SEZ6L: variants seen among roughly 807,000 people sequenced by gnomAD.
The protein encoded by SEZ6L is seizure related 6 homolog like.
A neutral mutation model predicts 106.2 loss-of-function variants in SEZ6L; 37 were observed. The ratio of observed to expected loss-of-function variants is 0.35; its 90% confidence interval spans 0.27 to 0.46. The LOEUF is 0.46. SEZ6L is among the 20% of genes least tolerant of loss of function. The pLI, the probability that SEZ6L is intolerant of heterozygous loss-of-function variation, is 1.00. For missense variants in SEZ6L, 1,172 were observed against 1,332.8 expected (o/e 0.88, Z 1.88); for synonymous variants, 541 against 570.4 (o/e 0.95, Z 0.73).
At chr22:26,253,011 G>A (rs1475496317) in intron 1 of SEZ6L, among the ~76,000 whole-genome samples, 1 of 152,252 alleles carries the variant, frequency 6.6e-6, no homozygotes, top group Non-Finnish European at 1.5e-5. Context: ...AGTGGTAGCA[G>A]ACAGTCTTCG....
At chr22:26,377,820 C>A in intron 16 of SEZ6L, 45 bp downstream of exon 16, 1 of 1,364,866 alleles carries the variant, frequency 7.3e-7, no homozygotes, top group Non-Finnish European at 1.0e-6. Flanking sequence ...TCCCTCTTTG[C>A]TCTGAATTCA....
intron 16 of SEZ6L, among the ~76,000 whole-genome samples, chr22:26,378,529 T>C (rs1601664180): frequency 6.6e-6 from 1 of 152,302 alleles, no homozygotes; most frequent in South Asian, 2.1e-4. Context: ...CAACAAATAA[T>C]ACTTTTTAAG....
intron 1 of SEZ6L, among the ~76,000 whole-genome samples, chr22:26,258,266 G>A (rs889864318): frequency 2.6e-5 from 4 of 152,104 alleles, no homozygotes; most frequent in African/African-American, 7.2e-5. Context: ...ATCAGGCACC[G>A]CACCAGGCAC....
chr22:26,323,098 T>C (rs778945206), intron 9 of SEZ6L, among the ~76,000 whole-genome samples: 47 of 152,224 alleles, frequency 3.1e-4, no homozygotes, highest in Non-Finnish European at 5.7e-4. Flanking sequence ...GACAACTTGC[T>C]TGTGGCCACA....
At chr22:26,247,407 C>T (rs558460229) in intron 1 of SEZ6L, among the ~76,000 whole-genome samples, 141 of 152,230 alleles carry the variant, frequency 9.3e-4, no homozygotes, top group Non-Finnish European at 1.8e-3. Flanking sequence ...AGATGTAATT[C>T]GTCAGATGGG....
At chr22:26,314,091 C>CAGAGAGAG (rs201131115) in intron 9 of SEZ6L, among the ~76,000 whole-genome samples, 189 bp downstream of exon 9, 1 of 142,350 alleles carries the variant, frequency 7.0e-6, no homozygotes, top group African/African-American at 2.9e-5. Context: ...CACACACACA[C>CAGAGAGAG]ACACAGAGAG....
chr22:26,374,607 G>A (rs1267830243), intron 14 of SEZ6L, among the ~76,000 whole-genome samples: 2 of 152,156 alleles, frequency 1.3e-5, no homozygotes, highest in Non-Finnish European at 2.9e-5. Context: ...CCATTGTAAC[G>A]TTTTGTGCTC....
chr22:26,173,440 C>T (rs1349261405), intron 1 of SEZ6L, among the ~76,000 whole-genome samples: 1 of 152,186 alleles, frequency 6.6e-6, no homozygotes. Flanking sequence ...CCCTTCCCTT[C>T]CAAACTCTCA....
At chr22:26,249,669 T>A (rs2079501167) in intron 1 of SEZ6L, among the ~76,000 whole-genome samples, 1 of 152,208 alleles carries the variant, frequency 6.6e-6, no homozygotes, top group South Asian at 2.1e-4. Context: ...AACATACTGA[T>A]GTCCTTTCCT....
intron 1 of SEZ6L, among the ~76,000 whole-genome samples, chr22:26,274,561 T>C (rs917906385): frequency 6.6e-6 from 1 of 152,146 alleles, no homozygotes; most frequent in African/African-American, 2.4e-5. Context: ...GGTTCAGTGG[T>C]CCCCTGGACT....
At position 26,180,113 on chromosome 22, in the gene SEZ6L, A is replaced by G. The variant is rs368911665; in HGVS notation, c.94+10350A>G. On this transcript the variant is annotated intron_variant, in intron 1 of 16. Transcript: ENST00000248933. ...TTGGTTCTTCATACTTAATCCAGTCATCTCTAACTGGTATGGGAAGCATGC... is the reference window on the plus strand; with the variant it reads ...TTGGTTCTTCATACTTAATCCAGTCGTCTCTAACTGGTATGGGAAGCATGC... Among the ~76,000 whole-genome samples, 4 of 152,170 alleles carry G rather than the reference A, an allele frequency of 2.6e-5. No homozygotes were observed. The East Asian group carries it at 5.8e-4, about 22-fold the overall frequency.
rs1568952186 is a variant in SEZ6L, at chr22:26,369,354, T to TTTTTTTTTTTTTTTTTTTTTTA, written c.2794+3791_2794+3792insTTTTTTTTTTTTTTTTTTATTT. Reference sequence around the variant, plus strand: ...ATATAAGCAGTTCTTTTGTTTTTTTTTTTGAGACAGATTCTCGCTCTGTCC... The same window carrying TTTTTTTTTTTTTTTTTTTTTTA: ...ATATAAGCAGTTCTTTTGTTTTTTTTTTTTTTTTTTTTTTTTTTTTTATTTGAGACAGATTCTCGCTCTGTCC... On this transcript the variant is annotated intron_variant, in intron 13 of 16. Coordinates refer to ENST00000248933, the MANE Select transcript of SEZ6L (RefSeq NM_021115.5). 2.2e-4 allele frequency among the ~76,000 whole-genome samples: 26 copies of TTTTTTTTTTTTTTTTTTTTTTA among 118,686 alleles called. 4 individuals are homozygous for TTTTTTTTTTTTTTTTTTTTTTA. The highest frequency in any genetic ancestry group is 8.7e-4 in the African/African-American group (26 of 29,992). 77.9% of individuals were successfully genotyped at this position (118,686 alleles called of 152,430 possible).
intron 1 of SEZ6L, 183 bp from the exon 2 acceptor site, chr22:26,292,222 GA>G: frequency 1.8e-6 from 1 of 551,120 alleles, no homozygotes; most frequent in Non-Finnish European, 3.2e-6. Context: ...AAAAGAGAAA[GA>G]GGGAGAGAGG....
In SEZ6L at chr22:26,356,974, C is replaced by T. The variant is rs956783454; in HGVS notation, c.2599+5731C>T. On this transcript the variant is annotated intron_variant, in intron 12 of 16. Transcript: ENST00000248933. The stretch of plus-strand genomic sequence containing the variant: ...TCAGAACTTTTTTTTTTTTTTGAGA[C>T]GGAGTCTGGCTCTGTTGCCCAGGCC... Among the ~76,000 whole-genome samples, 11 of 146,918 alleles carry T rather than the reference C, an allele frequency of 7.5e-5. 1 individual carries two copies. The highest frequency in any genetic ancestry group is 6.8e-5 in the Admixed American group (1 of 14,738).
chr22:26,287,067 T>C (rs1044301887), intron 1 of SEZ6L, among the ~76,000 whole-genome samples: 6 of 151,830 alleles, frequency 4.0e-5, no homozygotes, highest in African/African-American at 1.5e-4. Flanking sequence ...CTTTTTTTTT[T>C]TTTTTCACTT....
chr22:26,358,097 G>A lies in SEZ6L; in HGVS notation c.2599+6854G>A, dbSNP rs116791131. Among the ~76,000 whole-genome samples, 585 of 152,280 alleles carry A rather than the reference G, an allele frequency of 3.8e-3. 5 individuals are homozygous for A. The highest frequency in any genetic ancestry group is 0.013 in the African/African-American group (557 of 41,554). The stretch of plus-strand genomic sequence containing the variant: ...CCGTAGGAGCTTCCACTGTTGAGCC[G>A]TCTCCTGTGGCCACATCTTGGCCAG... On this transcript the variant is annotated intron_variant, in intron 12 of 16. Coordinates refer to ENST00000248933, the MANE Select transcript of SEZ6L (RefSeq NM_021115.5).
intron 13 of SEZ6L, among the ~76,000 whole-genome samples, chr22:26,371,005 C>CAAAAAA (rs59911432): frequency 9.1e-6 from 1 of 109,992 alleles, no homozygotes; most frequent in African/African-American, 3.4e-5. Flanking sequence ...CCCTGTATCA[C>CAAAAAA]AAAAAAAAAA....
chr22:26,369,530 C>CG (rs2083948221), intron 13 of SEZ6L, among the ~76,000 whole-genome samples: 2 of 150,968 alleles, frequency 1.3e-5, no homozygotes, highest in Non-Finnish European at 1.5e-5. Context: ...TTAGTAGAGA[C>CG]GGGTTTTCAC....
Position 26,351,221 on chromosome 22 carries a change from G to C in SEZ6L, c.2577G>C (p.Thr859=), listed in dbSNP as rs755130730. ...GTGAAACAGGGACTCCCATCTGGAC[G>C]TCTCGCCTGCCCCACTGCGTTTGTG... ...YSRETGTPIW[T]SRLPHCVSEE... is the part of the protein sequence containing the mutation. The change falls in exon 12 of 17, where the codon ACG becomes ACC. Residue 859 remains threonine (T), a synonymous_variant. Transcript: ENST00000248933. 12 of 1,613,744 alleles carry C rather than the reference G, an allele frequency of 7.4e-6. No individual in the cohort carries two copies. The highest frequency in any genetic ancestry group is 1.3e-5 in the African/African-American group (1 of 74,920).
Sources: gnomAD v4.1 joint callset for allele counts (sites outside exome capture counted in the v4.1 genomes callset) on GRCh38, gnomAD v4.1.1 for gene constraint, MANE v1.5 for transcripts, NCBI Gene and HGNC (gene_info 2026-07-23, HGNC 2026-07-21) for gene names.